The following ZNF273 variants were observed in gnomAD, a reference collection of about 807,000 sequenced individuals.
ZNF273 encodes zinc finger protein 9.
ZNF273 carries 11 observed loss-of-function variants against 14.9 expected under a neutral mutation model. That is an observed-to-expected ratio of 0.74 (90% confidence interval 0.46 to 1.22). The LOEUF (loss-of-function observed/expected upper bound fraction) is 1.22, where lower values mean the gene tolerates loss of function less well. Among genes scored for constraint, ZNF273 ranks in the 50% most tolerant of loss-of-function variants. The pLI is 0.00. For synonymous variants in ZNF273, 199 were observed against 223.9 expected, an observed-to-expected ratio of 0.89 and a Z score of 0.99; for missense variants, 577 against 660.6, an observed-to-expected ratio of 0.87 and a Z score of 1.39.
chr7:64,912,961 T>G lies in ZNF273; in HGVS notation c.103-4620T>G, dbSNP rs369694312. Among the ~76,000 whole-genome samples the G allele has an allele frequency of 2.3e-4, 35 of 151,658 alleles. No individual in the cohort carries two copies. The East Asian group carries it at 6.0e-3, about 26-fold the overall frequency. On this transcript the variant is annotated intron_variant, in intron 1 of 3. Coordinates refer to ENST00000476120, the MANE Select transcript of ZNF273 (RefSeq NM_021148.3). ...CTCTTGTTTTAGCCTCCCAAGTAGC[T>G]GGGACTACAGGTGTACACCACCATG...
upstream of ZNF273, chr7:64,903,203 G>A (rs943155156): frequency 3.6e-6 from 3 of 828,370 alleles, no homozygotes; most frequent in Non-Finnish European, 5.7e-6. Flanking sequence ...GGGACGCTGG[G>A]CTGGGACCCG....
intron 3 of ZNF273, among the ~76,000 whole-genome samples, chr7:64,926,337 T>G (rs11979815): frequency 0.061 from 9,281 of 152,146 alleles, 872 homozygotes; most frequent in African/African-American, 0.2. Flanking sequence ...ATGTGTGTGT[T>G]ATAAATATCT....
chr7:64,893,929 T>C (rs1792205874), downstream of ZNF273: 1 of 152,132 alleles, frequency 6.6e-6, no homozygotes, highest in South Asian at 2.1e-4. Flanking sequence ...TAAAAAGTCA[T>C]TTCTCATGTT....
At chr7:64,912,125 A>G (rs1202027472) in intron 1 of ZNF273, among the ~76,000 whole-genome samples, 1 of 152,070 alleles carries the variant, frequency 6.6e-6, no homozygotes, top group Non-Finnish European at 1.5e-5. Flanking sequence ...TACTCAGCTA[A>G]TTTTTCTAAT....
Position 64,929,067 on chromosome 7 carries a change from AGCGG to A in ZNF273, c.*30_*33del. 6.6e-7 allele frequency: 1 copy of A among 1,519,924 alleles called. No individual in the cohort carries two copies. Among genetic ancestry groups the A allele is most frequent in the Non-Finnish European group, 8.8e-7 (1 of 1,137,562 alleles). The allele number at this position is 1,519,924 out of a possible 1,614,324, so 94.2% of individuals were successfully genotyped here. On this transcript the variant is annotated 3_prime_UTR_variant, in exon 4 of 4. Coordinates refer to ENST00000476120, the MANE Select transcript of ZNF273 (RefSeq NM_021148.3). ...TGTGAAGAATGTGACAAAGCCTTTAAGCGGTTGTCACACTTGATTGTATATAAGA... is the reference window on the plus strand; with the variant it reads ...TGTGAAGAATGTGACAAAGCCTTTAATTGTCACACTTGATTGTATATAAGA...
intron 1 of ZNF273, among the ~76,000 whole-genome samples, chr7:64,904,932 G>T (rs1792985170): frequency 6.6e-6 from 1 of 152,026 alleles, no homozygotes; most frequent in South Asian, 2.1e-4. Flanking sequence ...TCCTGGTTTT[G>T]AGTTTTAGTA....
At chr7:64,909,804 ATTC>A (rs1234868371) in intron 1 of ZNF273, among the ~76,000 whole-genome samples, 1 of 150,294 alleles carries the variant, frequency 6.7e-6, no homozygotes, top group African/African-American at 2.5e-5. Flanking sequence ...GTGTATAAGT[ATTC>A]TTTTTTTTTT....
At chr7:64,889,348 C>G, downstream of ZNF273, 2 of 961,016 alleles carry the variant, frequency 2.1e-6, no homozygotes, top group Non-Finnish European at 2.5e-6. This position sits in a 1 kb window ranked among gnomAD's most constrained non-coding sequence, Gnocchi z 4.2. Context: ...GCCCCAACAG[C>G]TGGTGCTGAG....
rs762338510 is a variant in ZNF273, at chr7:64,928,043, T to C, written c.715T>C (p.Cys239Arg). The stretch of plus-strand genomic sequence containing the variant: ...AGTGAATTTCTACAAATGTAAGACA[T>C]GTGGAAAAGCCTTTAACCAGTTCTC... ...TRVNFYKCKT[C>R]GKAFNQFSNL... is the part of the protein sequence containing the mutation. The change falls in exon 4 of 4, where the codon TGT becomes CGT. Residue 239 changes from cysteine to arginine, a missense_variant. Cys to Arg is a radical substitution (Grantham distance 180, BLOSUM62 -3). Around this residue, in one of 3 missense-constraint regions of ZNF273, gnomAD observed 411 missense variants for 440.4 expected, o/e 0.93. Transcript: ENST00000476120. 6.2e-7 allele frequency: 1 copy of C among 1,613,960 alleles called. No homozygotes were observed. The highest frequency in any genetic ancestry group is 2.2e-5 in the East Asian group (1 of 44,824).
intron 1 of ZNF273, among the ~76,000 whole-genome samples, chr7:64,887,106 C>T (rs1054934963): frequency 2.0e-5 from 3 of 152,136 alleles, no homozygotes; most frequent in African/African-American, 7.2e-5. Context: ...TTTCCATGGT[C>T]GGTACTTGGT....
chr7:64,880,504 CTGTG>C (rs371979319), downstream of ZNF273, among the ~76,000 whole-genome samples: 1 of 151,292 alleles, frequency 6.6e-6, no homozygotes, highest in Non-Finnish European at 1.5e-5. Flanking sequence ...GTGATGGCGG[CTGTG>C]TGTGTGTGTG....
chr7:64,919,901 AT>A (rs1794303856), intron 3 of ZNF273, among the ~76,000 whole-genome samples: 1 of 148,482 alleles, frequency 6.7e-6, no homozygotes, highest in African/African-American at 2.5e-5. Context: ...TTCAATGGCT[AT>A]TTTTTCTTTT....
intron 1 of ZNF273, among the ~76,000 whole-genome samples, chr7:64,886,806 T>C (rs1264771964): frequency 1.3e-5 from 2 of 152,210 alleles, no homozygotes; most frequent in Admixed American, 1.3e-4. Flanking sequence ...AAAACAGTAA[T>C]TGATGCTCAT....
intron 3 of ZNF273, among the ~76,000 whole-genome samples, chr7:64,923,140 T>C (rs937849487): frequency 2.0e-5 from 3 of 152,176 alleles, no homozygotes; most frequent in African/African-American, 7.2e-5. Context: ...TCATGGCACT[T>C]TTCAAACACT....
chr7:64,934,983 A>G (rs1442060675), downstream of ZNF273, among the ~76,000 whole-genome samples: 1 of 152,114 alleles, frequency 6.6e-6, no homozygotes, highest in African/African-American at 2.4e-5. Flanking sequence ...TGTTCTTTAG[A>G]TTATAATGTA....
At chr7:64,917,315 G>A (rs975828218) in intron 1 of ZNF273, among the ~76,000 whole-genome samples, 3 of 152,120 alleles carry the variant, frequency 2.0e-5, no homozygotes, top group South Asian at 2.1e-4. Context: ...ACAAATGTAC[G>A]TGTTTGTGTT....
intron 1 of ZNF273, among the ~76,000 whole-genome samples, chr7:64,885,736 C>T (rs973287679): frequency 2.0e-5 from 3 of 152,128 alleles, no homozygotes; most frequent in Non-Finnish European, 2.9e-5. Context: ...ATGAGAAGCC[C>T]GCCCACGGAA....
chr7:64,887,550 T>G (rs1791666982), intron 1 of ZNF273, among the ~76,000 whole-genome samples: 1 of 152,164 alleles, frequency 6.6e-6, no homozygotes, highest in African/African-American at 2.4e-5. Flanking sequence ...CAGGCTGGAG[T>G]GCAGTGGTGG....
In ZNF273 at chr7:64,912,832, T is replaced by TGTTGTTGTTGTTG. The variant is rs1554386326; in HGVS notation, c.103-4749_103-4748insGTTGTTGTTGTTG. Among the ~76,000 whole-genome samples the TGTTGTTGTTGTTG allele has an allele frequency of 8.3e-4, 51 of 61,240 alleles. 2 individuals are homozygous for TGTTGTTGTTGTTG. The highest frequency in any genetic ancestry group is 3.1e-3 in the South Asian group (4 of 1,286). 40.2% of individuals were successfully genotyped at this position (61,240 alleles called of 152,430 possible). ...TGACTCAGGATTCATTTTAGTTTTT[T>TGTTGTTGTTGTTG]TTTTTTTTTTTTTTGAGATTGAGTT... On this transcript the variant is annotated intron_variant, in intron 1 of 3. Transcript: ENST00000476120.
Sources: gnomAD v4.1 joint callset for allele counts (sites outside exome capture counted in the v4.1 genomes callset) on GRCh38, gnomAD v4.1.1 for gene constraint, gnomAD v4.1.1 regional missense constraint, Gnocchi (gnomAD v3.1) non-coding constraint, MANE v1.5 for transcripts, NCBI Gene and HGNC (gene_info 2026-07-23, HGNC 2026-07-21) for gene names.